ASH1L: variants seen among roughly 807,000 people sequenced by gnomAD.
ASH1L encodes histone-lysine N-methyltransferase ASH1L.
Under a neutral mutation model 269.0 loss-of-function variants are expected in ASH1L, and 23 were observed. That is an observed-to-expected ratio of 0.09 (90% CI 0.06 to 0.12). The LOEUF is 0.12. Ranked by LOEUF, ASH1L falls within the 10% of genes least tolerant of loss-of-function variation. ASH1L has a pLI of 1.00. For synonymous variants in ASH1L, 1,187 were observed against 1,253.5 expected (o/e 0.95, Z 1.12); for missense variants, 2,912 against 3,567.8 (o/e 0.82, Z 4.68).
intron 2 of ASH1L, among the ~76,000 whole-genome samples, chr1:155,486,063 T>C (rs1666309354): frequency 6.6e-6 from 1 of 152,230 alleles, no homozygotes; most frequent in Non-Finnish European, 1.5e-5. Flanking sequence ...GTAAGTCTAA[T>C]TCCTCTTCTT....
At chr1:155,525,409 T>C (rs765796389) in intron 1 of ASH1L, among the ~76,000 whole-genome samples, 5 of 152,002 alleles carry the variant, frequency 3.3e-5, no homozygotes, top group Non-Finnish European at 5.9e-5. Flanking sequence ...TTAGTCTTAA[T>C]TACCCTAATT....
chr1:155,426,895 A>G (rs762344925), intron 5 of ASH1L, among the ~76,000 whole-genome samples: 15 of 152,170 alleles, frequency 9.9e-5, no homozygotes, highest in Non-Finnish European at 2.1e-4. Context: ...TGTATAGAGG[A>G]TAAGACAGAA....
At chr1:155,545,528 G>A (rs994722212) in intron 1 of ASH1L, among the ~76,000 whole-genome samples, 1 of 151,164 alleles carries the variant, frequency 6.6e-6, no homozygotes, top group African/African-American at 2.4e-5. Flanking sequence ...CTCATATTTG[G>A]AAAGAGTAGG....
chr1:155,448,192 T>A (rs1214459105), intron 4 of ASH1L, among the ~76,000 whole-genome samples: 1 of 152,256 alleles, frequency 6.6e-6, no homozygotes, highest in Non-Finnish European at 1.5e-5. Flanking sequence ...TCTCTCCTGT[T>A]CCACTGGTCT....
intron 12 of ASH1L, among the ~76,000 whole-genome samples, chr1:155,369,209 C>T (rs374848898): frequency 3.9e-5 from 6 of 152,138 alleles, no homozygotes; most frequent in East Asian, 1.9e-4. Flanking sequence ...TTTGGGAGGC[C>T]GAGGCGGGCG....
At chr1:155,446,300 A>T (rs929773220) in intron 4 of ASH1L, among the ~76,000 whole-genome samples, 320 of 139,942 alleles carry the variant, frequency 2.3e-3, no homozygotes, top group African/African-American at 7.2e-3. Flanking sequence ...AATTAATTAA[A>T]TTTTTTTTTT....
intron 5 of ASH1L, among the ~76,000 whole-genome samples, chr1:155,424,279 T>G (rs1230944433): frequency 2.0e-5 from 3 of 152,190 alleles, no homozygotes; most frequent in Non-Finnish European, 4.4e-5. Context: ...ACTGGAGAGA[T>G]TCCAGTAAAC....
rs6683631 is a variant in ASH1L at position 155,366,233 on chromosome 1, C to A, written c.6686+4271G>T. Among the ~76,000 whole-genome samples, 1,185 of 152,316 alleles carry A rather than the reference C, an allele frequency of 7.8e-3. 19 individuals are homozygous for A. Among genetic ancestry groups the A allele is most frequent in the African/African-American group, 0.027 (1,130 of 41,578 alleles). ...ACATCTGGGCGTCCTCACTACTACACTCCCATCAGTGCCATGACAGTTAAC... is the reference window on the plus strand; with the variant it reads ...ACATCTGGGCGTCCTCACTACTACAATCCCATCAGTGCCATGACAGTTAAC... On this transcript the variant is annotated intron_variant, in intron 12 of 27. Transcript: ENST00000392403.
At chr1:155,420,847 T>TA (rs59908021) in intron 5 of ASH1L, among the ~76,000 whole-genome samples, 115,202 of 136,800 alleles carry the variant, frequency 0.84, 49,893 homozygotes, top group East Asian at 0.98. Context: ...AAGGCTCCAT[T>TA]AAAAAAAAAA....
At chr1:155,474,481 T>C (rs978396691) in intron 3 of ASH1L, among the ~76,000 whole-genome samples, 2 of 152,114 alleles carry the variant, frequency 1.3e-5, no homozygotes, top group African/African-American at 2.4e-5. Context: ...GAGGGTCCCT[T>C]TGAGCCCAGG....
intron 5 of ASH1L, among the ~76,000 whole-genome samples, chr1:155,425,102 TG>T (rs1661027269): frequency 6.6e-6 from 1 of 151,570 alleles, no homozygotes; most frequent in African/African-American, 2.4e-5. Context: ...CCTCAGTAGC[TG>T]TGATTAAAGG....
chr1:155,484,441 T>C (rs900685865), intron 2 of ASH1L, among the ~76,000 whole-genome samples: 2 of 152,066 alleles, frequency 1.3e-5, no homozygotes, highest in East Asian at 3.9e-4. Flanking sequence ...TGAGCCGAGA[T>C]TGCGCCACTG....
At chr1:155,531,994 T>C (rs993058533) in intron 1 of ASH1L, among the ~76,000 whole-genome samples, 11 of 152,208 alleles carry the variant, frequency 7.2e-5, no homozygotes, top group African/African-American at 2.7e-4. Flanking sequence ...CAATCTAGGT[T>C]TTCCATCCAG....
chr1:155,488,668 CAAAAAAAAAAAAAAA>C (rs371829476), intron 2 of ASH1L, among the ~76,000 whole-genome samples: 13 of 29,196 alleles, frequency 4.5e-4, no homozygotes, highest in East Asian at 1.0e-3. Context: ...GACTCTGTCA[CAAAAAAAAAAAAAAA>C]AAAAAAAAAA....
Position 155,446,706 on chromosome 1 carries a change from C to G in ASH1L, c.5087-7638G>C, listed in dbSNP as rs188693547. Among the ~76,000 whole-genome samples the G allele has an allele frequency of 1.0e-3, 157 of 150,870 alleles. 5 individuals are homozygous for G. The East Asian group carries it at 0.031, about 29-fold the overall frequency. On this transcript the variant is annotated intron_variant, in intron 4 of 27. Transcript: ENST00000392403. Reference sequence around the variant, plus strand: ...GCGCGATCTCGGCTCACTGCAAGCTCCGCCTCCTGGGTTCACACCATTCTC... The same window carrying G: ...GCGCGATCTCGGCTCACTGCAAGCTGCGCCTCCTGGGTTCACACCATTCTC...
chr1:155,462,732 G>C (rs1362221194), intron 3 of ASH1L, among the ~76,000 whole-genome samples: 1 of 152,172 alleles, frequency 6.6e-6, no homozygotes, highest in Non-Finnish European at 1.5e-5. Flanking sequence ...ATTTCATTCA[G>C]GAAGGTTCTC....
chr1:155,435,573 G>A (rs1043885712), intron 5 of ASH1L, among the ~76,000 whole-genome samples: 2 of 149,536 alleles, frequency 1.3e-5, no homozygotes, highest in Admixed American at 1.3e-4. Flanking sequence ...TATTGCTCCT[G>A]AAATTAAAAA....
intron 6 of ASH1L, among the ~76,000 whole-genome samples, chr1:155,414,894 A>G (rs1269572286): frequency 6.6e-6 from 1 of 152,180 alleles, no homozygotes; most frequent in Admixed American, 6.6e-5. Flanking sequence ...AAAATTCTCA[A>G]TTAGAGTGCT....
At chr1:155,435,718 C>T (rs1217477854) in intron 5 of ASH1L, among the ~76,000 whole-genome samples, 1 of 151,544 alleles carries the variant, frequency 6.6e-6, no homozygotes, top group Non-Finnish European at 1.5e-5. Flanking sequence ...TAAGAAAAGC[C>T]ATTTATAAAT....
Sources: allele counts gnomAD v4.1 joint callset (sites outside exome capture counted in the v4.1 genomes callset), GRCh38; gene constraint gnomAD v4.1.1; transcripts MANE v1.5; gene names NCBI Gene and HGNC (gene_info 2026-07-23, HGNC 2026-07-21).